The following NRK variants were observed in gnomAD, a reference collection of about 807,000 sequenced individuals.
NRK encodes Nik related kinase, also known as nik-related protein kinase.
A neutral mutation model predicts 125.2 loss-of-function variants in NRK; 67 were observed. The observed-to-expected ratio is 0.54, with a 90% CI of 0.44 to 0.66. NRK has a LOEUF of 0.66. Among genes scored for constraint, NRK ranks in the 30% least tolerant of loss-of-function variants. The pLI, the probability that NRK is intolerant of heterozygous loss-of-function variation, is 0.00. For synonymous variants in NRK, 458 were observed against 429.0 expected (o/e 1.07, Z -0.84); for missense variants, 1,224 against 1,192.9 (o/e 1.03, Z -0.38).
At chrX:105,861,024 T>C (rs2039595414) in intron 2 of NRK, among the ~76,000 whole-genome samples, 1 of 111,136 alleles carries the variant, frequency 9.0e-6, no homozygotes, top group African/African-American at 3.3e-5. Flanking sequence ...ATATGGTAAC[T>C]CTATGTGTGA....
At chrX:105,840,899 T>G (rs1209666724) in intron 2 of NRK, among the ~76,000 whole-genome samples, 6 of 110,070 alleles carry the variant, frequency 5.5e-5, no homozygotes, top group African/African-American at 2.0e-4. Flanking sequence ...ATAATTATGG[T>G]CAGATTTTCA....
intron 19 of NRK, among the ~76,000 whole-genome samples, chrX:105,930,466 T>C (rs1359155737): frequency 9.0e-6 from 1 of 111,055 alleles, no homozygotes; most frequent in Non-Finnish European, 1.9e-5. Flanking sequence ...CTCATTCAGA[T>C]CATGATTTTT....
intron 2 of NRK, among the ~76,000 whole-genome samples, chrX:105,850,874 C>T (rs369099136): frequency 1.9e-4 from 21 of 112,311 alleles, no homozygotes; most frequent in African/African-American, 5.5e-4. Context: ...ATTTTCCTGT[C>T]TTTTTCTGAG....
At position 105,889,926 on chromosome X, in the gene NRK, C is replaced by T. The variant is rs775922482; in HGVS notation, c.378+1507C>T. On this transcript the variant is annotated intron_variant, in intron 5 of 28. Transcript: ENST00000243300. ...CTCTGACATGCTCTGGAGACATTTC[C>T]CCATTGTCTTGGTGATTAACGTTTG... 8.0e-5 allele frequency among the ~76,000 whole-genome samples: 9 copies of T among 111,961 alleles called. No homozygotes were observed. In the South Asian group the frequency reaches 3.1e-3, roughly 38 times the overall value.
At chrX:105,849,207 G>A (rs1184237134) in intron 2 of NRK, among the ~76,000 whole-genome samples, 2 of 111,770 alleles carry the variant, frequency 1.8e-5, no homozygotes, top group Non-Finnish European at 3.8e-5. Flanking sequence ...AAGAGAAAAC[G>A]AGGAAGAAGC....
At chrX:105,831,185 C>A (rs1005021680) in intron 2 of NRK, 66 bp downstream of exon 2, 2 of 667,573 alleles carry the variant, frequency 3.0e-6, no homozygotes, top group Non-Finnish European at 4.7e-6. Context: ...GTGAGTCAGA[C>A]ACTGCAAATC....
chrX:105,917,563 C>G lies in NRK; in HGVS notation c.2418-15C>G. ...ATGTTAGGACATGGCACATGCTTTT[C>G]TGTCTTTTCATTAGCGTTCCTCAGC... On this transcript the variant is annotated splice_polypyrimidine_tract_variant and intron_variant, in intron 15 of 28. Transcript: ENST00000243300. 9.3e-7 allele frequency: 1 copy of G among 1,071,021 alleles called. No homozygotes were observed. The highest frequency in any genetic ancestry group is 1.3e-6 in the Non-Finnish European group (1 of 796,550). 88.3% of individuals were successfully genotyped at this position (1,071,021 alleles called of 1,213,427 possible). A position where few individuals can be genotyped will look rare whatever the true frequency, so the allele number is the denominator to read the frequency against.
intron 2 of NRK, among the ~76,000 whole-genome samples, chrX:105,835,806 AC>A (rs1419504549): frequency 9.1e-6 from 1 of 109,852 alleles, no homozygotes; most frequent in East Asian, 2.9e-4. Context: ...TCAGATCTGT[AC>A]CATAAATCTG....
Position 105,956,155 on chromosome X carries a change from C to T in NRK, c.*555C>T, listed in dbSNP as rs1321469530. The T allele has an allele frequency of 1.8e-5, 2 of 111,573 alleles. No individual in the cohort carries two copies. The highest frequency in any genetic ancestry group is 6.5e-5 in the African/African-American group (2 of 30,705). 9.2% of individuals were successfully genotyped at this position (111,573 alleles called of 1,213,427 possible). A position where few individuals can be genotyped will look rare whatever the true frequency, so the allele number is the denominator to read the frequency against. On this transcript the variant is annotated 3_prime_UTR_variant, in exon 29 of 29. Transcript: ENST00000243300. ...CGACAAAGGGGAAAAGGCCACCACT[C>T]GTTTTCTCACTGATTCATGCCAATT... is the stretch of plus-strand genomic sequence containing the variant.
chrX:105,880,141 T>C, intron 2 of NRK, 58 bp from the exon 3 acceptor site: 1 of 542,866 alleles, frequency 1.8e-6, no homozygotes, highest in Non-Finnish European at 2.9e-6. Flanking sequence ...TTTAATTGCT[T>C]CTTGATAGCT....
At chrX:105,831,856 C>A (rs753309979) in intron 2 of NRK, among the ~76,000 whole-genome samples, 1 of 111,609 alleles carries the variant, frequency 9.0e-6, no homozygotes, top group Non-Finnish European at 1.9e-5. Flanking sequence ...TAAAAAAATG[C>A]GTAATGTACA....
At chrX:105,836,331 C>A (rs2039264799) in intron 2 of NRK, among the ~76,000 whole-genome samples, 1 of 111,526 alleles carries the variant, frequency 9.0e-6, no homozygotes, top group Admixed American at 9.6e-5. Context: ...TTTATAAATC[C>A]TAAGAATTTT....
intron 1 of NRK, among the ~76,000 whole-genome samples, chrX:105,826,052 C>A (rs1337030931): frequency 1.0e-5 from 1 of 99,140 alleles, no homozygotes; most frequent in African/African-American, 3.7e-5. Context: ...CTCTCTCTCT[C>A]TCTCTATATA....
intron 2 of NRK, among the ~76,000 whole-genome samples, chrX:105,875,320 C>G (rs1181763119): frequency 9.0e-6 from 1 of 111,449 alleles, no homozygotes; most frequent in Non-Finnish European, 1.9e-5. Flanking sequence ...ATTCCAGAAA[C>G]CTGCTTCTTT....
At chrX:105,950,784 T>A (rs2040886056) in intron 27 of NRK, among the ~76,000 whole-genome samples, 1 of 108,136 alleles carries the variant, frequency 9.2e-6, no homozygotes, top group African/African-American at 3.4e-5. Flanking sequence ...GCTTTAGGTT[T>A]AGAATTTTTA....
chrX:105,953,485 C>T (rs2040930245), intron 28 of NRK, among the ~76,000 whole-genome samples: 1 of 111,195 alleles, frequency 9.0e-6, no homozygotes, highest in Non-Finnish European at 1.9e-5. Flanking sequence ...TTCATAGTAC[C>T]TTTCATGTTC....
At chrX:105,867,521 G>A (rs1159838636) in intron 2 of NRK, among the ~76,000 whole-genome samples, 2 of 112,086 alleles carry the variant, frequency 1.8e-5, no homozygotes, top group South Asian at 3.7e-4. Flanking sequence ...AGCATTGTCC[G>A]AGTAACACAT....
intron 22 of NRK, 51 bp from the exon 23 acceptor site, chrX:105,939,823 A>T: frequency 1.4e-6 from 1 of 719,811 alleles, no homozygotes; most frequent in African/African-American, 2.2e-5. Context: ...TTCTTCTAAT[A>T]TATGAAAAGA....
chrX:105,829,008 C>T (rs1279531187), intron 1 of NRK, among the ~76,000 whole-genome samples: 1 of 111,857 alleles, frequency 8.9e-6, no homozygotes, highest in Admixed American at 9.5e-5. Flanking sequence ...TTTATCAATT[C>T]AGTGGAAACA....
Sources: allele counts gnomAD v4.1 joint callset (sites outside exome capture counted in the v4.1 genomes callset), GRCh38; gene constraint gnomAD v4.1.1; transcripts MANE v1.5; gene names NCBI Gene and HGNC (gene_info 2026-07-23, HGNC 2026-07-21).